The following CELF4 variants were observed in gnomAD, a reference collection of about 807,000 sequenced individuals.
CELF4 encodes CUG-BP- and ETR-3-like factor 4.
CELF4 carries 18 observed loss-of-function variants against 59.9 expected under a neutral mutation model. The observed-to-expected ratio is 0.30, with a 90% CI of 0.21 to 0.45. The LOEUF (loss-of-function observed/expected upper bound fraction) is 0.45, where lower values mean the gene tolerates loss of function less well. CELF4 is among the 20% of genes least tolerant of loss of function. CELF4 has a pLI of 1.00. For synonymous variants in CELF4, 261 were observed against 267.1 expected, an observed-to-expected ratio of 0.98 and a Z score of 0.22; for missense variants, 456 against 689.0, an observed-to-expected ratio of 0.66 and a Z score of 3.79.
intron 1 of CELF4, among the ~76,000 whole-genome samples, chr18:37,543,869 G>A (rs1291526355): frequency 1.3e-5 from 2 of 152,034 alleles, no homozygotes; most frequent in South Asian, 2.1e-4. Context: ...GGTCTGTGCC[G>A]CTGGGCAGGG....
chr18:37,465,280 T>C (rs2099804887), intron 2 of CELF4, among the ~76,000 whole-genome samples: 1 of 152,200 alleles, frequency 6.6e-6, no homozygotes, highest in Admixed American at 6.5e-5. Flanking sequence ...TAAAGAATGC[T>C]TTTCCTGCCA....
At chr18:37,496,526 CAAT>C (rs2154603708) in intron 1 of CELF4, among the ~76,000 whole-genome samples, 1 of 152,302 alleles carries the variant, frequency 6.6e-6, no homozygotes, top group African/African-American at 2.4e-5. Context: ...ACAACAACAA[CAAT>C]AAATTTTTTT....
intron 1 of CELF4, among the ~76,000 whole-genome samples, chr18:37,487,583 G>A (rs1214855135): frequency 1.3e-5 from 2 of 152,132 alleles, no homozygotes; most frequent in Non-Finnish European, 2.9e-5. Context: ...AGGCCCCCGT[G>A]ACGTCGTCCC....
At chr18:37,397,103 C>T (rs1344554482) in intron 2 of CELF4, among the ~76,000 whole-genome samples, 1 of 152,080 alleles carries the variant, frequency 6.6e-6, no homozygotes, top group African/African-American at 2.4e-5. Context: ...GCCTTTGTCA[C>T]CCCCAGCTCC....
intron 1 of CELF4, among the ~76,000 whole-genome samples, chr18:37,544,235 GA>G (rs1160010390): frequency 6.7e-6 from 1 of 148,490 alleles, no homozygotes; most frequent in African/African-American, 2.5e-5. Context: ...ATGCTCCACC[GA>G]AATCACTGCG....
intron 1 of CELF4, among the ~76,000 whole-genome samples, chr18:37,491,342 A>G (rs977908498): frequency 1.3e-5 from 2 of 152,276 alleles, no homozygotes; most frequent in Admixed American, 1.3e-4. Flanking sequence ...ATTCTATCAC[A>G]TACGCTGAAC....
chr18:37,548,717 G>A (rs950947824), intron 1 of CELF4, among the ~76,000 whole-genome samples: 2 of 152,210 alleles, frequency 1.3e-5, no homozygotes, highest in African/African-American at 2.4e-5. Context: ...TTGAGCAGGT[G>A]TTGCTGCAGT....
intron 2 of CELF4, among the ~76,000 whole-genome samples, chr18:37,451,015 A>G (rs1042769134): frequency 1.3e-5 from 2 of 152,112 alleles, no homozygotes; most frequent in East Asian, 3.9e-4. Flanking sequence ...AAAGCAGCCC[A>G]CATGTTGCAG....
intron 1 of CELF4, among the ~76,000 whole-genome samples, chr18:37,550,529 G>A (rs917397691): frequency 1.3e-5 from 2 of 152,216 alleles, no homozygotes; most frequent in African/African-American, 2.4e-5. Flanking sequence ...AAGGAGGGAC[G>A]TGGTGTTCCA....
chr18:37,335,815 C>T (rs1246727578), intron 2 of CELF4, among the ~76,000 whole-genome samples: 5 of 152,236 alleles, frequency 3.3e-5, no homozygotes, highest in South Asian at 2.1e-4. Context: ...AAATCTCCAC[C>T]GCCATCCTCT....
intron 2 of CELF4, among the ~76,000 whole-genome samples, chr18:37,383,747 C>T (rs1383685384): frequency 6.6e-6 from 1 of 152,184 alleles, no homozygotes; most frequent in Non-Finnish European, 1.5e-5. Context: ...GAAATAGAGA[C>T]CCAAAGGGGT....
At chr18:37,506,752 C>T (rs1053429728) in intron 1 of CELF4, among the ~76,000 whole-genome samples, 6 of 152,204 alleles carry the variant, frequency 3.9e-5, no homozygotes, top group Non-Finnish European at 4.4e-5. Flanking sequence ...CGCCATTAAA[C>T]GCAATGTGGC....
chr18:37,461,944 T>C (rs1194088267), intron 2 of CELF4, among the ~76,000 whole-genome samples: 1 of 152,110 alleles, frequency 6.6e-6, no homozygotes, highest in African/African-American at 2.4e-5. Flanking sequence ...AAGGCATGAT[T>C]GGGGGAAAAT....
intron 2 of CELF4, among the ~76,000 whole-genome samples, chr18:37,385,754 A>T (rs551771116): frequency 2.6e-5 from 4 of 152,322 alleles, no homozygotes; most frequent in Admixed American, 2.6e-4. Context: ...TCAAGTGCGA[A>T]TCCTGTTTTC....
chr18:37,485,325 A>G (rs547172730), intron 2 of CELF4, among the ~76,000 whole-genome samples, 200 bp downstream of exon 2: 81 of 151,672 alleles, frequency 5.3e-4, no homozygotes, highest in Middle Eastern at 6.8e-3. Context: ...GCCACGGCCA[A>G]GTGGGGCCCC....
intron 1 of CELF4, among the ~76,000 whole-genome samples, chr18:37,495,443 C>G (rs1312047608): frequency 2.0e-5 from 3 of 152,130 alleles, no homozygotes; most frequent in Non-Finnish European, 4.4e-5. Flanking sequence ...TTCAGAACTT[C>G]AGAGCCTCAC....
At chr18:37,435,367 G>C (rs568303321) in intron 2 of CELF4, among the ~76,000 whole-genome samples, 1 of 152,166 alleles carries the variant, frequency 6.6e-6, no homozygotes, top group Admixed American at 6.5e-5. Context: ...GTGTGTGCAC[G>C]TGTGTCTTGG....
chr18:37,407,393 T>G (rs973799654), intron 2 of CELF4, among the ~76,000 whole-genome samples: 4 of 152,182 alleles, frequency 2.6e-5, no homozygotes, highest in African/African-American at 4.8e-5. Flanking sequence ...GTCCCATCAC[T>G]TCATGGGCTG....
At chr18:37,387,219 G>A (rs892401772) in intron 2 of CELF4, among the ~76,000 whole-genome samples, 5 of 152,184 alleles carry the variant, frequency 3.3e-5, no homozygotes, top group African/African-American at 4.8e-5. Flanking sequence ...GCCTTTTCCC[G>A]GCAACCAGGG....
Sources: allele counts gnomAD v4.1 joint callset (sites outside exome capture counted in the v4.1 genomes callset), GRCh38; gene constraint gnomAD v4.1.1; transcripts MANE v1.5; gene names NCBI Gene and HGNC (gene_info 2026-07-23, HGNC 2026-07-21).